PTPRT: variants seen among roughly 807,000 people sequenced by gnomAD.
PTPRT encodes the protein receptor-type tyrosine-protein phosphatase T.
PTPRT carries 56 observed loss-of-function variants against 176.8 expected under a neutral mutation model. That is an observed-to-expected ratio of 0.32 (90% CI 0.26 to 0.40). The LOEUF (loss-of-function observed/expected upper bound fraction) is 0.40. PTPRT is among the 10% of genes least tolerant of loss of function. The pLI is 1.00. For synonymous variants in PTPRT, 783 were observed against 739.0 expected (o/e 1.06, Z -0.96); for missense variants, 1,540 against 1,908.2 (o/e 0.81, Z 3.60).
intron 15 of PTPRT, among the ~76,000 whole-genome samples, chr20:42,227,259 G>C (rs2056035283): frequency 6.6e-6 from 1 of 152,154 alleles, no homozygotes; most frequent in Non-Finnish European, 1.5e-5. Flanking sequence ...AGGAAAGGTT[G>C]AATGGTGATG....
chr20:43,097,419 T>G (rs141054798), intron 1 of PTPRT, among the ~76,000 whole-genome samples: 2 of 152,314 alleles, frequency 1.3e-5, no homozygotes, highest in South Asian at 4.1e-4. Context: ...GATGATGATA[T>G]AGGAAAGTGA....
rs138429058 is a variant in PTPRT, at chr20:42,829,454, G to A, written c.215-37988C>T. On this transcript the variant is annotated intron_variant, in intron 2 of 30. Coordinates refer to ENST00000373187, the MANE Select transcript of PTPRT (RefSeq NM_007050.6). The stretch of plus-strand genomic sequence containing the variant: ...GTTAGAAGGCCATGATTGGCCAGGC[G>A]CAGTGGCTCACACCAGCAATCCCAG... Among the ~76,000 whole-genome samples, 94 of 152,268 alleles carry A rather than the reference G, an allele frequency of 6.2e-4. No homozygotes were observed. In the East Asian group the frequency reaches 9.3e-3, roughly 15 times the overall value.
chr20:42,068,949 C>G (rs977351397), downstream of PTPRT, among the ~76,000 whole-genome samples: 63 of 152,288 alleles, frequency 4.1e-4, no homozygotes, highest in African/African-American at 1.5e-3. Flanking sequence ...ATCTGTTAGG[C>G]TCTTCATCAT....
In PTPRT at chr20:42,941,711, T is replaced by G. The variant is rs140841016; in HGVS notation, c.89-55779A>C. Among the ~76,000 whole-genome samples the G allele has an allele frequency of 4.6e-5, 7 of 152,280 alleles. No individual in the cohort carries two copies. In the East Asian group the frequency reaches 1.4e-3, roughly 29 times the overall value. ...TAGTGAGACAGCAGAAAGAGAGAGATGGGACTTCAACTTCACAGGCTGTTC... is the reference window on the plus strand; with the variant it reads ...TAGTGAGACAGCAGAAAGAGAGAGAGGGGACTTCAACTTCACAGGCTGTTC... On this transcript the variant is annotated intron_variant, in intron 1 of 30. Transcript: ENST00000373187.
chr20:42,526,995 G>C lies in PTPRT; in HGVS notation c.1154-54433C>G, dbSNP rs191432121. 4.9e-3 allele frequency among the ~76,000 whole-genome samples: 564 copies of C among 115,636 alleles called. 2 individuals carry two copies. Among genetic ancestry groups the C allele is most frequent in the Middle Eastern group, 0.032 (3 of 94 alleles). The allele number at this position is 115,636 out of a possible 152,430, so 75.9% of individuals were successfully genotyped here. ...TTTTTTTTTTTTGAGATGGAGTCTCGCTCTGCCGCCCAGGCTGGAGTGCAG... is the reference window on the plus strand; with the variant it reads ...TTTTTTTTTTTTGAGATGGAGTCTCCCTCTGCCGCCCAGGCTGGAGTGCAG... On this transcript the variant is annotated intron_variant, in intron 7 of 30. Transcript: ENST00000373187.
intron 6 of PTPRT, among the ~76,000 whole-genome samples, chr20:42,690,446 G>A (rs2146116317): frequency 6.6e-6 from 1 of 152,306 alleles, no homozygotes; most frequent in African/African-American, 2.4e-5. Flanking sequence ...GAGGAACTAG[G>A]CCGAGGGTTG....
At chr20:42,624,008 C>CAAAAAAAAAAA (rs2074247421) in intron 7 of PTPRT, among the ~76,000 whole-genome samples, 14 of 116,752 alleles carry the variant, frequency 1.2e-4, no homozygotes, top group African/African-American at 4.9e-4. Context: ...ACAATAGCAA[C>CAAAAAAAAAAA]AAACAAACAA....
intron 7 of PTPRT, among the ~76,000 whole-genome samples, chr20:42,568,767 C>A (rs113029168): frequency 5.9e-5 from 9 of 151,956 alleles, no homozygotes; most frequent in African/African-American, 2.2e-4. Flanking sequence ...AGAATTATTT[C>A]GGCTAGGCAC....
intron 7 of PTPRT, among the ~76,000 whole-genome samples, chr20:42,503,307 T>C (rs914468615): frequency 2.0e-5 from 3 of 152,074 alleles, no homozygotes; most frequent in Admixed American, 6.6e-5. Context: ...ACTGTAAGCA[T>C]GTTAAAGCTA....
At chr20:42,228,172 A>G (rs930472136) in intron 15 of PTPRT, among the ~76,000 whole-genome samples, 1 of 152,222 alleles carries the variant, frequency 6.6e-6, no homozygotes, top group African/African-American at 2.4e-5. Flanking sequence ...TTTGCCATTA[A>G]AGGTACATTT....
chr20:42,206,827 C>T (rs1434831122), intron 15 of PTPRT, among the ~76,000 whole-genome samples: 2 of 152,258 alleles, frequency 1.3e-5, no homozygotes, highest in Non-Finnish European at 2.9e-5. Context: ...GTAGGCTCCA[C>T]CTCTGGGGGC....
intron 2 of PTPRT, among the ~76,000 whole-genome samples, chr20:42,871,921 T>C (rs879268327): frequency 1.3e-5 from 2 of 152,232 alleles, no homozygotes; most frequent in African/African-American, 2.4e-5. Flanking sequence ...TTTGCAGCTA[T>C]GATTTAGAAG....
intron 1 of PTPRT, among the ~76,000 whole-genome samples, chr20:43,001,606 T>A (rs1250749883): frequency 4.0e-5 from 6 of 151,704 alleles, no homozygotes; most frequent in African/African-American, 1.5e-4. Context: ...ACAACATTTA[T>A]CAGGAAGAAG....
chr20:42,869,500 T>A (rs1416881613), intron 2 of PTPRT, among the ~76,000 whole-genome samples: 2 of 152,334 alleles, frequency 1.3e-5, no homozygotes, highest in African/African-American at 4.8e-5. Flanking sequence ...TGGGACCTAT[T>A]ACCTTTTCTT....
chr20:42,458,606 G>T (rs2070963544), intron 8 of PTPRT, among the ~76,000 whole-genome samples: 1 of 152,158 alleles, frequency 6.6e-6, no homozygotes, highest in East Asian at 1.9e-4. Flanking sequence ...GTAGCCTAGA[G>T]ATCACTAATT....
At chr20:42,832,801 TAAAAAA>T (rs778457370) in intron 2 of PTPRT, among the ~76,000 whole-genome samples, 1 of 107,340 alleles carries the variant, frequency 9.3e-6, no homozygotes, top group African/African-American at 3.6e-5. Context: ...TAGGATTTGT[TAAAAAA>T]AAAAAAAAAA....
At chr20:42,686,724 C>T (rs1487426223) in intron 6 of PTPRT, among the ~76,000 whole-genome samples, 1 of 151,780 alleles carries the variant, frequency 6.6e-6, no homozygotes, top group Non-Finnish European at 1.5e-5. Context: ...GATCTCCTGA[C>T]CTTGTGATCC....
At chr20:42,753,636 C>T (rs555483551) in intron 6 of PTPRT, among the ~76,000 whole-genome samples, 6 of 152,246 alleles carry the variant, frequency 3.9e-5, no homozygotes, top group South Asian at 2.1e-4. Context: ...GTGGTAGCTG[C>T]GGAGTCATAT....
At chr20:42,813,373 CCTTCCTTCCTTTTT>C (rs1383084710) in intron 2 of PTPRT, among the ~76,000 whole-genome samples, 5 of 151,420 alleles carry the variant, frequency 3.3e-5, no homozygotes, top group African/African-American at 7.3e-5. Flanking sequence ...TGCTTGCATC[CCTTCCTTCCTTTTT>C]CTTCCTTCCT....
Sources: gnomAD v4.1 joint callset for allele counts (sites outside exome capture counted in the v4.1 genomes callset) on GRCh38, gnomAD v4.1.1 for gene constraint, MANE v1.5 for transcripts, NCBI Gene and HGNC (gene_info 2026-07-23, HGNC 2026-07-21) for gene names.